The following PCDHGB3 variants were observed in gnomAD, a reference collection of about 807,000 sequenced individuals.
The protein encoded by PCDHGB3 is protocadherin gamma-B3.
Under a neutral mutation model 59.2 loss-of-function variants are expected in PCDHGB3, and 40 were observed. The observed-to-expected ratio is 0.68, with a 90% CI of 0.52 to 0.88. The LOEUF (loss-of-function observed/expected upper bound fraction) is 0.88. Ranked by LOEUF, PCDHGB3 falls within the 40% of genes least tolerant of loss-of-function variation. The pLI, the probability that PCDHGB3 is intolerant of heterozygous loss-of-function variation, is 0.00. For synonymous variants in PCDHGB3, 581 were observed against 503.6 expected, an observed-to-expected ratio of 1.15 and a Z score of -2.06; for missense variants, 1,309 against 1,187.9, an observed-to-expected ratio of 1.10 and a Z score of -1.50.
chr5:141,510,420 G>A (rs1275392355), intron 3 of PCDHGB3, among the ~76,000 whole-genome samples: 2 of 152,126 alleles, frequency 1.3e-5, no homozygotes, highest in Non-Finnish European at 2.9e-5. Flanking sequence ...TAAAGCCATG[G>A]TTTCATGGCT....
At chr5:141,469,885 C>A (rs1464434089) in intron 1 of PCDHGB3, among the ~76,000 whole-genome samples, 3 of 152,204 alleles carry the variant, frequency 2.0e-5, no homozygotes, top group African/African-American at 4.8e-5. Context: ...AATCTCGGCA[C>A]TTTGGGAAGC....
chr5:141,407,954 G>A, intron 1 of PCDHGB3: 1 of 640,866 alleles, frequency 1.6e-6, no homozygotes, highest in East Asian at 3.0e-5. Flanking sequence ...GTCGGCCAGT[G>A]CAGAGCAAGC....
At chr5:141,505,282 G>C (rs73280377) in intron 2 of PCDHGB3, 111 bp from the exon 3 acceptor site, 37,017 of 1,544,812 alleles carry the variant, frequency 0.024, 1,115 homozygotes, top group African/African-American at 0.15. Context: ...AACAGGTCTT[G>C]GGCATGGGGT....
chr5:141,431,603 C>T lies in PCDHGB3; in HGVS notation c.2415+58794C>T, dbSNP rs746243366. On this transcript the variant is annotated intron_variant, in intron 1 of 3. Coordinates refer to ENST00000576222, the MANE Select transcript of PCDHGB3 (RefSeq NM_018924.5). This position sits in a 1 kb window ranked among gnomAD's most constrained non-coding sequence, Gnocchi z 4.8. ...CAATGCGGAAGTGAGGTATTCCTTC[C>T]GGTATGTGGACGACAAGGCGGCCCA... is the stretch of plus-strand genomic sequence containing the variant. 1.1e-5 allele frequency: 17 copies of T among 1,614,212 alleles called. No individual in the cohort carries two copies. Among genetic ancestry groups the T allele is most frequent in the Non-Finnish European group, 1.4e-5 (16 of 1,180,044 alleles).
At chr5:141,383,719 A>G in intron 1 of PCDHGB3, 1 of 1,613,984 alleles carries the variant, frequency 6.2e-7, no homozygotes, top group Non-Finnish European at 8.5e-7. Flanking sequence ...CGAGGGAGTC[A>G]ATGGGGAAGT....
intron 1 of PCDHGB3, chr5:141,441,867 GCCTGGCTA>G (rs2098280856): frequency 1.2e-5 from 4 of 345,682 alleles, no homozygotes; most frequent in Non-Finnish European, 2.3e-5. Flanking sequence ...ACGCCGCGGA[GCCTGGCTA>G]CCTGGTCACC....
In PCDHGB3 at chr5:141,370,922, G is replaced by A. The variant is rs563952977; in HGVS notation, c.528G>A (p.Pro176=). Reference sequence around the variant, plus strand: ...AGCAGTACTACCTCAGCCCTGATCCGCACTTCTCTTTGATTCAGAAGGAGA... The same window carrying A: ...AGCAGTACTACCTCAGCCCTGATCCACACTTCTCTTTGATTCAGAAGGAGA... The part of the protein sequence containing the change: ...SLQQYYLSPD[P]HFSLIQKENL... Residue 176 remains proline (P), a synonymous_variant, in exon 1 of 4, where the codon CCG becomes CCA. Transcript: ENST00000576222. The A allele has an allele frequency of 8.7e-6, 14 of 1,613,978 alleles. No homozygotes were observed. The highest frequency in any genetic ancestry group is 5.5e-5 in the South Asian group (5 of 91,088).
chr5:141,417,034 T>C (rs1408752235), intron 1 of PCDHGB3: 1 of 151,548 alleles, frequency 6.6e-6, no homozygotes, highest in Non-Finnish European at 1.5e-5. Context: ...ACAGGTTTTT[T>C]TTTTAAAAAA....
At chr5:141,428,613 CAAGAT>C (rs1385471747) in intron 1 of PCDHGB3, 1 of 212,608 alleles carries the variant, frequency 4.7e-6, no homozygotes, top group African/African-American at 2.3e-5. Flanking sequence ...AAGAGAATAA[CAAGAT>C]AAGCTCTAAC....
In PCDHGB3 at chr5:141,485,578, G is replaced by A; in HGVS notation, c.2416-9229G>A. ...ATGATCACGCCCCCCGTTTTCCGCG[G>A]CAGCAGCTGGACTTGGAAATTGGGG... is the stretch of plus-strand genomic sequence containing the variant. On this transcript the variant is annotated intron_variant, in intron 1 of 3. Transcript: ENST00000576222. This position sits in a 1 kb window ranked among gnomAD's most constrained non-coding sequence, Gnocchi z 5.7. 6.2e-7 allele frequency: 1 copy of A among 1,612,362 alleles called. No homozygotes were observed. Among genetic ancestry groups the A allele is most frequent in the Non-Finnish European group, 8.5e-7 (1 of 1,178,688 alleles).
At chr5:141,422,465 G>A in intron 1 of PCDHGB3, 1 of 1,613,508 alleles carries the variant, frequency 6.2e-7, no homozygotes, top group Non-Finnish European at 8.5e-7. Flanking sequence ...GTGCTGGACA[G>A]GGAGTTGGTC....
intron 2 of PCDHGB3, among the ~76,000 whole-genome samples, chr5:141,503,166 A>T (rs1246987375): frequency 1.3e-5 from 2 of 151,884 alleles, no homozygotes; most frequent in Admixed American, 1.3e-4. Context: ...CACAATTGCA[A>T]TTACTCTATT....
At chr5:141,427,396 A>G (rs1303085720) in intron 1 of PCDHGB3, 1 of 460,578 alleles carries the variant, frequency 2.2e-6, no homozygotes, top group Non-Finnish European at 4.4e-6. Context: ...AAAACACATG[A>G]TAAAGATTCG....
intron 1 of PCDHGB3, chr5:141,428,256 T>A: frequency 1.2e-6 from 1 of 863,822 alleles, no homozygotes; most frequent in Non-Finnish European, 1.9e-6. Flanking sequence ...CAGACTTCAG[T>A]GACAGTCCTG....
chr5:141,460,624 T>TA (rs1464862917), intron 1 of PCDHGB3, among the ~76,000 whole-genome samples: 2 of 152,128 alleles, frequency 1.3e-5, no homozygotes, highest in African/African-American at 4.8e-5. Context: ...GATAGACAGA[T>TA]ACAGATATAT....
chr5:141,375,296 G>A lies in PCDHGB3; in HGVS notation c.2415+2487G>A, dbSNP rs1771320516. ...ATCAGTTGGCAATTATTATCGATTA[G>A]TGACAAATGCAGCTCTAGACCGGGA... On this transcript the variant is annotated intron_variant, in intron 1 of 3. Transcript: ENST00000576222. 5 of 1,613,828 alleles carry A rather than the reference G, an allele frequency of 3.1e-6. No homozygotes were observed. The South Asian group carries it at 4.4e-5, about 14-fold the overall frequency.
intron 1 of PCDHGB3, among the ~76,000 whole-genome samples, chr5:141,484,795 C>T (rs1265916821): frequency 6.6e-6 from 1 of 151,784 alleles, no homozygotes; most frequent in African/African-American, 2.4e-5. Context: ...AGATAACAAC[C>T]CGTGGAAAAA....
chr5:141,418,688 A>C, intron 1 of PCDHGB3: 2 of 1,614,032 alleles, frequency 1.2e-6, no homozygotes, highest in Non-Finnish European at 1.7e-6. Flanking sequence ...CAACTCAGAG[A>C]TCACTTATTC....
intron 1 of PCDHGB3, chr5:141,414,008 A>G (rs753686379): frequency 4.3e-6 from 7 of 1,613,188 alleles, no homozygotes; most frequent in Middle Eastern, 1.6e-4. Context: ...GAAGGTGCCA[A>G]TGGAGAAGTG....
Sources: gnomAD v4.1 joint callset for allele counts (sites outside exome capture counted in the v4.1 genomes callset) on GRCh38, gnomAD v4.1.1 for gene constraint, Gnocchi (gnomAD v3.1) non-coding constraint, MANE v1.5 for transcripts, NCBI Gene and HGNC (gene_info 2026-07-23, HGNC 2026-07-21) for gene names.